The following ZNF318 variants were observed in gnomAD, a reference collection of about 807,000 sequenced individuals.
ZNF318 encodes the protein zinc finger protein 318, also known as endocrine regulator.
ZNF318 carries 51 observed loss-of-function variants against 124.2 expected under a neutral mutation model. The observed-to-expected ratio is 0.41, with a 90% CI of 0.33 to 0.52. ZNF318 has a LOEUF of 0.52. Ranked by LOEUF, ZNF318 falls within the 20% of genes least tolerant of loss-of-function variation. The pLI, the probability that ZNF318 is intolerant of heterozygous loss-of-function variation, is 0.23. For missense variants in ZNF318, 2,815 were observed against 2,811.2 expected (o/e 1.00, Z -0.03); for synonymous variants, 1,090 against 1,040.7 (o/e 1.05, Z -0.91).
Position 43,354,935 on chromosome 6 carries a change from G to A in ZNF318, c.2399C>T (p.Ser800Phe). 6.2e-7 allele frequency: 1 copy of A among 1,610,796 alleles called. No individual in the cohort carries two copies. Among genetic ancestry groups the A allele is most frequent in the Non-Finnish European group, 8.5e-7 (1 of 1,177,906 alleles). Reference protein sequence around the residue: ...AYRHYMAYAASRWPMYPTSQP... With the variant: ...AYRHYMAYAAFRWPMYPTSQP... ...AGAGGTGGGATACATGGGCCATCTG[G>A]AGGCTGCATATGCCATGTAGTGCCT... is the stretch of plus-strand genomic sequence containing the variant. Residue 800 changes from serine to phenylalanine, a missense_variant, in exon 4 of 10, where the codon TCC (serine) becomes TTC (phenylalanine). Around this residue, in one of 4 missense-constraint regions of ZNF318, gnomAD observed 1,377 missense variants for 1,353.5 expected, o/e 1.02. Coordinates refer to ENST00000361428, the MANE Select transcript of ZNF318 (RefSeq NM_014345.3).
intron 7 of ZNF318, 138 bp downstream of exon 7, chr6:43,342,538 G>T: frequency 1.2e-6 from 1 of 862,242 alleles, no homozygotes; most frequent in Non-Finnish European, 1.8e-6. Flanking sequence ...TCCTTTGTTG[G>T]TGTCTCTTGG....
Position 43,348,509 on chromosome 6 carries a change from C to A in ZNF318, c.2887G>T (p.Ala963Ser). Residue 963 changes from alanine to serine, a missense_variant, in exon 6 of 10, where the codon GCA becomes TCA. Coordinates refer to ENST00000361428, the MANE Select transcript of ZNF318 (RefSeq NM_014345.3). ...MKDIAELRQE[A>S]EEAEKKQSEL... ...GATTGCTTCTTTTCTGCCTCTTCTG[C>A]CTCTTGCCGTAGCTCTGCAATGTCC... 6.2e-7 allele frequency: 1 copy of A among 1,614,166 alleles called. No individual in the cohort carries two copies. Among genetic ancestry groups the A allele is most frequent in the African/African-American group, 1.3e-5 (1 of 75,018 alleles).
chr6:43,354,605 A>G, intron 4 of ZNF318, 59 bp downstream of exon 4: 1 of 1,494,378 alleles, frequency 6.7e-7, no homozygotes, highest in Non-Finnish European at 9.0e-7. Flanking sequence ...TAAAAAACAT[A>G]TACAAATTTA....
At chr6:43,350,262 A>C (rs1161213677) in intron 5 of ZNF318, among the ~76,000 whole-genome samples, 1 of 152,210 alleles carries the variant, frequency 6.6e-6, no homozygotes, top group Non-Finnish European at 1.5e-5. Context: ...AGAAAGAAAG[A>C]AAAAGAAGAA....
intron 2 of ZNF318, chr6:43,363,953 T>C: frequency 1.5e-6 from 1 of 677,676 alleles, no homozygotes; most frequent in East Asian, 2.7e-5. Flanking sequence ...CCCCACACCG[T>C]TCCTTGCAAG....
chr6:43,343,023 C>T lies in ZNF318; in HGVS notation c.3073-144G>A. ...TTAAAGCTGCACAAGTTGGGGGGAACCCTAACAGAAACATGTCTCTAAGAC... is the reference window on the plus strand; with the variant it reads ...TTAAAGCTGCACAAGTTGGGGGGAATCCTAACAGAAACATGTCTCTAAGAC... On this transcript the variant is annotated intron_variant, in intron 6 of 9. Transcript: ENST00000361428. 4 of 663,046 alleles carry T rather than the reference C, an allele frequency of 6.0e-6. No individual in the cohort carries two copies. The South Asian group carries it at 8.2e-5, about 14-fold the overall frequency. The allele number at this position is 663,046 out of a possible 1,614,324, so 41.1% of individuals were successfully genotyped here. A position where few individuals can be genotyped will look rare whatever the true frequency, so the allele number is the denominator to read the frequency against.
intron 3 of ZNF318, 127 bp from the exon 4 acceptor site, chr6:43,356,272 G>A: frequency 9.1e-6 from 9 of 992,288 alleles, no homozygotes; most frequent in South Asian, 5.2e-5. Context: ...ATAAAAGGGA[G>A]GAAAAGTATC....
intron 6 of ZNF318, among the ~76,000 whole-genome samples, chr6:43,344,591 T>C (rs1383866208): frequency 6.6e-6 from 1 of 152,160 alleles, no homozygotes; most frequent in Admixed American, 6.5e-5. Context: ...CAAAATACTT[T>C]CTCTAACCAC....
chr6:43,338,704 C>T lies in ZNF318; in HGVS notation c.5294G>A (p.Arg1765His), dbSNP rs763051653. Residue 1765 changes from arginine (R) to histidine (H), a missense_variant, in exon 10 of 10, where the codon CGT (arginine) becomes CAT (histidine). This residue lies in a region of ZNF318 where 927 missense variants were observed against 820.6 expected (regional missense o/e 1.13). Transcript: ENST00000361428. ...ACTTTCTCTACAATCCTCAGATTTA[C>T]GGAGCTCTTGGCTTTCCTTATCCTG... Reference protein sequence around the residue: ...VNQDKESQELRKSEDCRESEI... With the variant: ...VNQDKESQELHKSEDCRESEI... 12 of 1,614,156 alleles carry T rather than the reference C, an allele frequency of 7.4e-6. No homozygotes were observed. The highest frequency in any genetic ancestry group is 5.3e-5 in the African/African-American group (4 of 75,046).
Position 43,367,539 on chromosome 6 carries a change from G to A in ZNF318, c.399+1428C>T, listed in dbSNP as rs1442260017. 2.6e-5 allele frequency among the ~76,000 whole-genome samples: 4 copies of A among 152,204 alleles called. No individual in the cohort carries two copies. In the East Asian group the frequency reaches 5.8e-4, roughly 22 times the overall value. On this transcript the variant is annotated intron_variant, in intron 1 of 9. Transcript: ENST00000361428. ...TTTGGGGATGTATTCTAGAGGTAAA[G>A]CTAACGGGTTAGACAGATGAGGTAA...
chr6:43,358,930 T>C (rs1333068858), intron 2 of ZNF318, among the ~76,000 whole-genome samples: 2 of 152,192 alleles, frequency 1.3e-5, no homozygotes, highest in East Asian at 3.8e-4. Context: ...AAGGAGGTAC[T>C]AGAAAAGCAG....
chr6:43,345,080 A>G (rs980731493), intron 6 of ZNF318, among the ~76,000 whole-genome samples: 1 of 151,898 alleles, frequency 6.6e-6, no homozygotes, highest in Non-Finnish European at 1.5e-5. Flanking sequence ...CCTCAACTCT[A>G]CAAAAATACA....
intron 5 of ZNF318, among the ~76,000 whole-genome samples, chr6:43,349,239 T>G (rs901504627): frequency 5.9e-5 from 9 of 152,194 alleles, no homozygotes; most frequent in African/African-American, 2.2e-4. Flanking sequence ...TCAAAAACAT[T>G]AATAAGTGTT....
rs150156241 is a variant in ZNF318 at position 43,337,940 on chromosome 6, T to C, written c.6058A>G (p.Met2020Val). ...CGAGTAGTGCAGAAATCAACAGGCA[T>C]ATCCCCCAGATTCCCCAGGGCAGTA... ...ELTALGNLGD[M>V]PVDFCTTRVS... The change falls in exon 10 of 10, where the codon ATG (methionine) becomes GTG (valine). Residue 2020 changes from methionine (M) to valine (V), a missense_variant. Physicochemically the swap from Met to Val is conservative, Grantham distance 21. This residue lies in a region of ZNF318 where 927 missense variants were observed against 820.6 expected (regional missense o/e 1.13). Coordinates refer to ENST00000361428, the MANE Select transcript of ZNF318 (RefSeq NM_014345.3). 8 of 1,614,232 alleles carry C rather than the reference T, an allele frequency of 5.0e-6. No individual in the cohort carries two copies. The highest frequency in any genetic ancestry group is 6.8e-6 in the Non-Finnish European group (8 of 1,180,040).
chr6:43,368,922 G>A (rs1474401380), intron 1 of ZNF318, 45 bp downstream of exon 1: 3 of 1,312,850 alleles, frequency 2.3e-6, no homozygotes, highest in Non-Finnish European at 2.9e-6. Context: ...TTCCGGGGGA[G>A]GGGACTGGGG....
rs58147230 is a variant in ZNF318 at position 43,341,480 on chromosome 6, G to A, written c.3377-572C>T. 6.0e-3 allele frequency among the ~76,000 whole-genome samples: 905 copies of A among 151,890 alleles called. 24 individuals carry two copies. The East Asian group carries it at 0.071, about 12-fold the overall frequency. On this transcript the variant is annotated intron_variant, in intron 8 of 9. Transcript: ENST00000361428. The stretch of plus-strand genomic sequence containing the variant: ...ATCCTGGCTAACACAGTGAAACCCC[G>A]TCTCTACTAAAAATACAAAAAATAC...
intron 2 of ZNF318, 80 bp from the exon 3 acceptor site, chr6:43,357,845 T>C (rs1438181432): frequency 3.1e-6 from 4 of 1,301,036 alleles, no homozygotes; most frequent in Non-Finnish European, 4.2e-6. Context: ...CTGGTGTTTG[T>C]CAAGGGGGCT....
intron 6 of ZNF318, among the ~76,000 whole-genome samples, chr6:43,344,836 C>T (rs150421599): frequency 6.6e-6 from 1 of 151,406 alleles, no homozygotes; most frequent in African/African-American, 2.4e-5. Flanking sequence ...GAATAACATA[C>T]ACCAAGGTAT....
In ZNF318 at chr6:43,356,010, C is replaced by A. The variant is rs1182161740; in HGVS notation, c.1324G>T (p.Ala442Ser). ...IENKGTMVETALKEPQGNLYQ... is the reference protein window; with the variant it reads ...IENKGTMVETSLKEPQGNLYQ... Reference sequence around the variant, plus strand: ...AGGTTGCCCTGAGGTTCCTTCAAGGCAGTCTCTACCATAGTCCCCTTGTTT... The same window carrying A: ...AGGTTGCCCTGAGGTTCCTTCAAGGAAGTCTCTACCATAGTCCCCTTGTTT... The change falls in exon 4 of 10, where the codon GCC becomes TCC. Residue 442 changes from alanine (A) to serine (S), a missense_variant. Transcript: ENST00000361428. The A allele has an allele frequency of 6.2e-7, 1 of 1,614,184 alleles. No individual in the cohort carries two copies. Among genetic ancestry groups the A allele is most frequent in the Non-Finnish European group, 8.5e-7 (1 of 1,180,024 alleles).
Sources: allele counts gnomAD v4.1 joint callset (sites outside exome capture counted in the v4.1 genomes callset), GRCh38; gene constraint gnomAD v4.1.1; regional missense constraint gnomAD v4.1.1; transcripts MANE v1.5; gene names NCBI Gene and HGNC (gene_info 2026-07-23, HGNC 2026-07-21).